The following AGPAT4 variants were observed in gnomAD, a reference collection of about 807,000 sequenced individuals.
AGPAT4 encodes 1-acylglycerol-3-phosphate O-acyltransferase 4.
A neutral mutation model predicts 48.0 loss-of-function variants in AGPAT4; 15 were observed. That is an observed-to-expected ratio of 0.31 (90% confidence interval 0.21 to 0.48). The LOEUF (loss-of-function observed/expected upper bound fraction) is 0.48. AGPAT4 is among the 20% of genes least tolerant of loss of function. The pLI is 0.99. For synonymous variants in AGPAT4, 178 were observed against 198.7 expected, an observed-to-expected ratio of 0.90 and a Z score of 0.88; for missense variants, 314 against 482.5, an observed-to-expected ratio of 0.65 and a Z score of 3.27.
rs570378962 is a variant in AGPAT4, at chr6:161,261,027, C to G, written c.-90+12911G>C. Among the ~76,000 whole-genome samples, 12 of 152,342 alleles carry G rather than the reference C, an allele frequency of 7.9e-5. No individual in the cohort carries two copies. The highest frequency in any genetic ancestry group is 7.8e-4 in the Admixed American group (12 of 15,304). On this transcript the variant is annotated intron_variant, in intron 1 of 8. Coordinates refer to ENST00000320285, the MANE Select transcript of AGPAT4 (RefSeq NM_020133.3). This position sits in a 1 kb window ranked among gnomAD's most constrained non-coding sequence, Gnocchi z 5.3. ...GCCTTCTAGAATTTCCTGAGCAGGG[C>G]TCACTCTGGTGCTCCGAGCTCGTGT...
At position 161,196,560 on chromosome 6, in the gene AGPAT4, C is replaced by T. The variant is rs923088208; in HGVS notation, c.179-30143G>A. ...GGTGACTCAATGCCTGTAATCCCAG[C>T]ATTTTGGGAGGCCGAGTCAGGCGGA... On this transcript the variant is annotated intron_variant, in intron 2 of 8. Transcript: ENST00000320285. This position sits in a 1 kb window ranked among gnomAD's most constrained non-coding sequence, Gnocchi z 4.3. Among the ~76,000 whole-genome samples, 1 of 152,028 alleles carries T rather than the reference C, an allele frequency of 6.6e-6. No homozygotes were observed. Among genetic ancestry groups the T allele is most frequent in the African/African-American group, 2.4e-5 (1 of 41,390 alleles).
chr6:161,183,395 G>A (rs959193649), intron 2 of AGPAT4, among the ~76,000 whole-genome samples: 11 of 151,782 alleles, frequency 7.2e-5, no homozygotes, highest in Admixed American at 1.3e-4. Context: ...CCAGGTGGGC[G>A]GAGCACTTAA....
Position 161,233,066 on chromosome 6 carries a change from C to A in AGPAT4, c.-89-764G>T, listed in dbSNP as rs1211206823. On this transcript the variant is annotated intron_variant, in intron 1 of 8. Transcript: ENST00000320285. This position sits in a 1 kb window ranked among gnomAD's most constrained non-coding sequence, Gnocchi z 5.4. ...AGGTAAGAAAACTACCCCCACCACA[C>A]CCTGGTCACACACACAGAGACACAT... is the stretch of plus-strand genomic sequence containing the variant. 6.6e-6 allele frequency among the ~76,000 whole-genome samples: 1 copy of A among 151,822 alleles called. No homozygotes were observed. The highest frequency in any genetic ancestry group is 1.5e-5 in the Non-Finnish European group (1 of 67,958).
chr6:161,133,505 C>T lies in AGPAT4; in HGVS notation c.*3035G>A, dbSNP rs993024980. 6.6e-6 allele frequency: 1 copy of T among 152,130 alleles called. No homozygotes were observed. Among genetic ancestry groups the T allele is most frequent in the African/African-American group, 2.4e-5 (1 of 41,416 alleles). The allele number at this position is 152,130 out of a possible 1,614,324, so 9.4% of individuals were successfully genotyped here. A position where few individuals can be genotyped will look rare whatever the true frequency, so the allele number is the denominator to read the frequency against. On this transcript the variant is annotated 3_prime_UTR_variant, in exon 9 of 9. Coordinates refer to ENST00000320285, the MANE Select transcript of AGPAT4 (RefSeq NM_020133.3). ...CACAGAGTGCCTTACTTCTTCCTCC[C>T]GATTAATCGTGTTCACTATATGGTG...
chr6:161,219,900 CA>C lies in AGPAT4; in HGVS notation c.178+12135del, dbSNP rs796484291. Among the ~76,000 whole-genome samples, 448 of 139,148 alleles carry C rather than the reference CA, an allele frequency of 3.2e-3. 9 individuals carry two copies. Among genetic ancestry groups the C allele is most frequent in the African/African-American group, 0.012 (420 of 34,180 alleles). 91.3% of individuals were successfully genotyped at this position (139,148 alleles called of 152,430 possible). A position where few individuals can be genotyped will look rare whatever the true frequency, so the allele number is the denominator to read the frequency against. The stretch of plus-strand genomic sequence containing the variant: ...GCAGGCAGGCAGGCAGGCAGGCAGG[CA>C]GGCAGGCAGGCAGGCGGCAGGCAGG... On this transcript the variant is annotated intron_variant, in intron 2 of 8. Transcript: ENST00000320285. This position sits in a 1 kb window ranked among gnomAD's most constrained non-coding sequence, Gnocchi z 4.9.
In AGPAT4 at chr6:161,266,778, G is replaced by A. The variant is rs1455934431; in HGVS notation, c.-90+7160C>T. ...GCTGATGGCTGCAGTATCCTGGGAA[G>A]AAGATGTGCTTGCATAGACAGATAG... is the stretch of plus-strand genomic sequence containing the variant. On this transcript the variant is annotated intron_variant, in intron 1 of 8. Coordinates refer to ENST00000320285, the MANE Select transcript of AGPAT4 (RefSeq NM_020133.3). This position sits in a 1 kb window ranked among gnomAD's most constrained non-coding sequence, Gnocchi z 6.2. Among the ~76,000 whole-genome samples the A allele has an allele frequency of 6.6e-6, 1 of 152,234 alleles. No homozygotes were observed. The highest frequency in any genetic ancestry group is 1.5e-5 in the Non-Finnish European group (1 of 68,046).
intron 3 of AGPAT4, among the ~76,000 whole-genome samples, chr6:161,156,153 C>T (rs1779762261): frequency 6.6e-6 from 1 of 152,204 alleles, no homozygotes; most frequent in African/African-American, 2.4e-5. Flanking sequence ...TCTTAGATCA[C>T]CAAAAATGTT....
intron 2 of AGPAT4, among the ~76,000 whole-genome samples, chr6:161,228,209 T>C (rs918005028): frequency 3.3e-5 from 5 of 152,186 alleles, no homozygotes; most frequent in Non-Finnish European, 5.9e-5. Context: ...TTGGCCCTGT[T>C]ATTTGGACTC....
chr6:161,130,840 A>C lies in AGPAT4; in HGVS notation c.*5700T>G. On this transcript the variant is annotated 3_prime_UTR_variant, in exon 9 of 9. Transcript: ENST00000320285. The stretch of plus-strand genomic sequence containing the variant: ...ACTTTACAAGTCTGAGCCATCCCGT[A>C]CTAGTTCATCAACTTTCCTTCCTCA... 1 of 519,056 alleles carries C rather than the reference A, an allele frequency of 1.9e-6. No homozygotes were observed. Among genetic ancestry groups the C allele is most frequent in the Non-Finnish European group, 3.8e-6 (1 of 259,864 alleles). 32.2% of individuals were successfully genotyped at this position (519,056 alleles called of 1,614,324 possible). A position where few individuals can be genotyped will look rare whatever the true frequency, so the allele number is the denominator to read the frequency against.
intron 2 of AGPAT4, among the ~76,000 whole-genome samples, chr6:161,224,116 C>A (rs1045373741): frequency 1.3e-5 from 2 of 152,160 alleles, no homozygotes; most frequent in Non-Finnish European, 2.9e-5. Context: ...TGGATTGCTT[C>A]TGCTACATTC....
chr6:161,247,582 AC>A (rs1170288184), intron 1 of AGPAT4, among the ~76,000 whole-genome samples: 3 of 152,176 alleles, frequency 2.0e-5, no homozygotes, highest in Non-Finnish European at 4.4e-5. Context: ...TCTATGACAA[AC>A]CCACAGCCAA....
chr6:161,182,137 C>T (rs1780615709), intron 2 of AGPAT4, among the ~76,000 whole-genome samples: 3 of 152,060 alleles, frequency 2.0e-5, no homozygotes, highest in Non-Finnish European at 4.4e-5. Context: ...CACCAGTGCT[C>T]AGCACAGCCC....
chr6:161,145,481 T>C (rs6912308), intron 7 of AGPAT4, among the ~76,000 whole-genome samples: 30,685 of 151,424 alleles, frequency 0.2, 5,292 homozygotes, highest in African/African-American at 0.44. Flanking sequence ...AGGATCTTGA[T>C]TCCAAAAACT....
chr6:161,209,779 A>G (rs1160925702), intron 2 of AGPAT4, among the ~76,000 whole-genome samples: 4 of 152,324 alleles, frequency 2.6e-5, no homozygotes, highest in South Asian at 2.1e-4. Context: ...CGTTTGTTGA[A>G]TAAATGAATT....
At position 161,139,579 on chromosome 6, in the gene AGPAT4, T is replaced by C; in HGVS notation, c.885A>G (p.Pro295=). The C allele has an allele frequency of 3.7e-6, 6 of 1,613,586 alleles. No homozygotes were observed. The highest frequency in any genetic ancestry group is 5.1e-6 in the Non-Finnish European group (6 of 1,179,758). ...QEEYYRTGTF[P]ETPMVPPRRP... is the part of the protein sequence containing the mutation. ...GCCGGGGGGGCACCATGGGCGTCTC[T>C]GGGAAGGTGCCCGTCCTGTAGTACT... Residue 295 remains proline (P), a synonymous_variant, in exon 8 of 9, where the codon CCA becomes CCG. Coordinates refer to ENST00000320285, the MANE Select transcript of AGPAT4 (RefSeq NM_020133.3). The surrounding 1 kb of genome is among the most constrained non-coding windows in gnomAD (Gnocchi z 9.1).
intron 2 of AGPAT4, among the ~76,000 whole-genome samples, chr6:161,172,375 G>T (rs1006862292): frequency 6.6e-6 from 1 of 152,150 alleles, no homozygotes; most frequent in African/African-American, 2.4e-5. Flanking sequence ...AGCACAGGGG[G>T]CACCCCATCC....
chr6:161,170,511 A>G (rs1220221685), intron 2 of AGPAT4, among the ~76,000 whole-genome samples: 1 of 151,954 alleles, frequency 6.6e-6, no homozygotes, highest in African/African-American at 2.4e-5. Flanking sequence ...ACACACATAC[A>G]CATATACTCA....
In AGPAT4 at chr6:161,240,233, C is replaced by T. The variant is rs1276261129; in HGVS notation, c.-89-7931G>A. Among the ~76,000 whole-genome samples the T allele has an allele frequency of 9.0e-5, 10 of 111,040 alleles. No individual in the cohort carries two copies. The highest frequency in any genetic ancestry group is 9.4e-5 in the Non-Finnish European group (5 of 53,204). The allele number at this position is 111,040 out of a possible 152,430, so 72.8% of individuals were successfully genotyped here. ...ATATCTTTGTGTATACACACACACA[C>T]ACACACACACACACACACACACACA... On this transcript the variant is annotated intron_variant, in intron 1 of 8. Transcript: ENST00000320285. The surrounding 1 kb of genome is among the most constrained non-coding windows in gnomAD (Gnocchi z 5.5).
chr6:161,157,802 T>G (rs536069553), intron 3 of AGPAT4, among the ~76,000 whole-genome samples: 2 of 152,196 alleles, frequency 1.3e-5, no homozygotes, highest in Non-Finnish European at 2.9e-5. Context: ...CTGGCAGGGC[T>G]GCATGAAAAG....
Sources: gnomAD v4.1 joint callset for allele counts (sites outside exome capture counted in the v4.1 genomes callset) on GRCh38, gnomAD v4.1.1 for gene constraint, Gnocchi (gnomAD v3.1) non-coding constraint, MANE v1.5 for transcripts, NCBI Gene and HGNC (gene_info 2026-07-23, HGNC 2026-07-21) for gene names.